LMO7: variants seen among roughly 807,000 people sequenced by gnomAD.
LMO7 encodes the protein LIM domain 7.
Under a neutral mutation model 206.5 loss-of-function variants are expected in LMO7, and 120 were observed. The observed-to-expected ratio is 0.58, with a 90% confidence interval of 0.50 to 0.68. LMO7 has a LOEUF of 0.68. Ranked by LOEUF, LMO7 falls within the 30% of genes least tolerant of loss-of-function variation. The pLI, the probability that LMO7 is intolerant of heterozygous loss-of-function variation, is 0.00. For synonymous variants in LMO7, 706 were observed against 681.5 expected, an observed-to-expected ratio of 1.04 and a Z score of -0.56; for missense variants, 1,959 against 1,957.9, an observed-to-expected ratio of 1.00 and a Z score of -0.01.
chr13:75,682,977 T>TTA, intron 1 of LMO7, among the ~76,000 whole-genome samples: 1 of 152,328 alleles, frequency 6.6e-6, no homozygotes, highest in South Asian at 2.1e-4. Context: ...TTAAATTGGA[T>TTA]TGCTTGAGAG....
chr13:75,645,890 C>T (rs575849705), intron 1 of LMO7, among the ~76,000 whole-genome samples: 1 of 152,310 alleles, frequency 6.6e-6, no homozygotes, highest in South Asian at 2.1e-4. Context: ...TCTTTGCCTA[C>T]AGTATCTTTC....
chr13:75,765,963 G>A lies in LMO7; in HGVS notation c.317+4925G>A, dbSNP rs377689802. On this transcript the variant is annotated intron_variant, in intron 4 of 30. Transcript: ENST00000377534. ...TGGCCAGGGTCTGTATCTTTAAAAC[G>A]ATCCTATCTTATGTTCATTACTGCA... is the stretch of plus-strand genomic sequence containing the variant. Among the ~76,000 whole-genome samples the A allele has an allele frequency of 3.5e-4, 53 of 152,156 alleles. 1 individual carries two copies. Among genetic ancestry groups the A allele is most frequent in the African/African-American group, 1.3e-3 (52 of 41,528 alleles).
intron 7 of LMO7, among the ~76,000 whole-genome samples, chr13:75,803,160 T>C (rs917893849): frequency 2.0e-5 from 3 of 152,200 alleles, no homozygotes; most frequent in Admixed American, 6.5e-5. Flanking sequence ...ACAGCTGCGT[T>C]TACTTTCCCT....
intron 4 of LMO7, among the ~76,000 whole-genome samples, chr13:75,786,041 C>T (rs973321296): frequency 6.6e-5 from 10 of 152,110 alleles, no homozygotes; most frequent in African/African-American, 1.2e-4. Flanking sequence ...GTGTGTGTGG[C>T]GTGAATGTGT....
intron 6 of LMO7, among the ~76,000 whole-genome samples, chr13:75,798,629 T>C (rs2054329391): frequency 6.6e-6 from 1 of 152,206 alleles, no homozygotes; most frequent in South Asian, 2.1e-4. Flanking sequence ...CTATATCACA[T>C]GTTTTGTATC....
At chr13:75,848,509 G>A (rs1480456967) in intron 26 of LMO7, among the ~76,000 whole-genome samples, 1 of 151,880 alleles carries the variant, frequency 6.6e-6, no homozygotes, top group Non-Finnish European at 1.5e-5. Context: ...TGATTGATGG[G>A]CATTTGGGTT....
chr13:75,632,862 G>GTTTTTTTTTTTTTTTTTTTTTTGT (rs10690832), upstream of LMO7, among the ~76,000 whole-genome samples: 1 of 102,138 alleles, frequency 9.8e-6, no homozygotes, highest in African/African-American at 4.0e-5. Flanking sequence ...TTACTTAAAA[G>GTTTTTTTTTTTTTTTTTTTTTTGT]TTTTTTTTTT....
At chr13:75,696,998 C>T (rs997133284) in intron 1 of LMO7, among the ~76,000 whole-genome samples, 4 of 151,982 alleles carry the variant, frequency 2.6e-5, no homozygotes, top group Non-Finnish European at 5.9e-5. Flanking sequence ...TTCCCAACGT[C>T]GACATACCTT....
At chr13:75,739,967 C>T (rs769094553) in intron 3 of LMO7, among the ~76,000 whole-genome samples, 8 of 152,146 alleles carry the variant, frequency 5.3e-5, no homozygotes, top group Admixed American at 1.3e-4. Context: ...GGAAAAAGCC[C>T]ACTTCTCTTT....
chr13:75,724,937 A>T (rs907414119), intron 2 of LMO7, among the ~76,000 whole-genome samples: 2 of 152,078 alleles, frequency 1.3e-5, no homozygotes, highest in Non-Finnish European at 2.9e-5. Context: ...TTGCACATGT[A>T]CTTGAAGGTT....
intron 3 of LMO7, among the ~76,000 whole-genome samples, chr13:75,731,792 G>A (rs186596731): frequency 0.043 from 6,522 of 151,954 alleles, 200 homozygotes; most frequent in Middle Eastern, 0.079. Context: ...CATGTTTAGC[G>A]CTTCCTTCAG....
rs1233803690 is a variant in LMO7 at position 75,859,364 on chromosome 13, C to T, written c.*1421C>T. On this transcript the variant is annotated 3_prime_UTR_variant, in exon 31 of 31. Transcript: ENST00000377534. ...AATTCTGAATCCCAAATTCCAAAGA[C>T]AAGAACTCTGTGTTTGAATTCATTC... 3 of 152,150 alleles carry T rather than the reference C, an allele frequency of 2.0e-5. No individual in the cohort carries two copies. 9.4% of individuals were successfully genotyped at this position (152,150 alleles called of 1,614,324 possible).
At chr13:75,785,426 A>G (rs1164206563) in intron 4 of LMO7, among the ~76,000 whole-genome samples, 1 of 152,118 alleles carries the variant, frequency 6.6e-6, no homozygotes. Context: ...ATAATGTACA[A>G]TACTCAACAT....
At position 75,727,095 on chromosome 13, in the gene LMO7, A is replaced by G; in HGVS notation, c.207A>G (p.Gly69=). ...ATAGACTGTCTACACCAATAGCAGG[A>G]TTGGTAAGTAGTAAATTATCTTCAC... ...KINRLSTPIA[G]LDNINVFLKA... is the part of the protein sequence containing the mutation. Residue 69 remains glycine, a synonymous_variant, in exon 3 of 31, where the codon GGA becomes GGG. Coordinates refer to ENST00000377534, the MANE Select transcript of LMO7 (RefSeq NM_001306080.2). 2 of 1,562,718 alleles carry G rather than the reference A, an allele frequency of 1.3e-6. No individual in the cohort carries two copies. The highest frequency in any genetic ancestry group is 1.4e-5 in the African/African-American group (1 of 73,862).
Position 75,858,093 on chromosome 13 carries a change from T to C in LMO7, c.*150T>C, listed in dbSNP as rs1028787367. On this transcript the variant is annotated 3_prime_UTR_variant, in exon 31 of 31. Transcript: ENST00000377534. ...TGCCTCTTTAGATTACATAGAAGCA[T>C]TGTAGTCTTGGTAGAACCAGTATTT... The C allele has an allele frequency of 8.1e-6, 6 of 737,460 alleles. No homozygotes were observed. In the East Asian group the frequency reaches 1.5e-4, roughly 18 times the overall value. 45.7% of individuals were successfully genotyped at this position (737,460 alleles called of 1,614,324 possible). A position where few individuals can be genotyped will look rare whatever the true frequency, so the allele number is the denominator to read the frequency against.
At position 75,818,468 on chromosome 13, in the gene LMO7, A is replaced by G. The variant is rs116946958; in HGVS notation, c.2065-925A>G. Among the ~76,000 whole-genome samples, 1,421 of 152,144 alleles carry G rather than the reference A, an allele frequency of 9.3e-3. 13 individuals carry two copies. Among genetic ancestry groups the G allele is most frequent in the Non-Finnish European group, 0.016 (1,114 of 67,996 alleles). On this transcript the variant is annotated intron_variant, in intron 12 of 30. Coordinates refer to ENST00000377534, the MANE Select transcript of LMO7 (RefSeq NM_001306080.2). ...CACTAACAGTTCTTAGCAGTTCTCT[A>G]TTTTGGAGACATGGAAAACTTTATA...
chr13:75,817,433 C>CT (rs200999866), intron 12 of LMO7, among the ~76,000 whole-genome samples, 155 bp downstream of exon 12: 29 of 151,316 alleles, frequency 1.9e-4, no homozygotes, highest in East Asian at 9.7e-4. Flanking sequence ...ATTTTTAAAC[C>CT]TTTTTTTTTC....
At chr13:75,646,152 T>C (rs1222352619) in intron 1 of LMO7, among the ~76,000 whole-genome samples, 1 of 152,218 alleles carries the variant, frequency 6.6e-6, no homozygotes, top group Non-Finnish European at 1.5e-5. Context: ...AGCCAGTTGC[T>C]CAGGCTTCCA....
At chr13:75,840,316 C>A in intron 21 of LMO7, 75 bp from the exon 22 acceptor site, 1 of 1,530,108 alleles carries the variant, frequency 6.5e-7, no homozygotes, top group Non-Finnish European at 9.0e-7. Flanking sequence ...TTTATGTGTG[C>A]AAAAGTGGTT....
Sources: gnomAD v4.1 joint callset for allele counts (sites outside exome capture counted in the v4.1 genomes callset) on GRCh38, gnomAD v4.1.1 for gene constraint, MANE v1.5 for transcripts, NCBI Gene and HGNC (gene_info 2026-07-23, HGNC 2026-07-21) for gene names.